PALLD: variants seen among roughly 807,000 people sequenced by gnomAD.
PALLD encodes the protein palladin, cytoskeletal associated protein.
A neutral mutation model predicts 123.5 loss-of-function variants in PALLD; 61 were observed. The ratio of observed to expected loss-of-function variants is 0.49; its 90% CI spans 0.40 to 0.61. PALLD has a LOEUF of 0.61. Among genes scored for constraint, PALLD ranks in the 20% least tolerant of loss-of-function variants. PALLD has a pLI of 0.00. For synonymous variants in PALLD, 465 were observed against 496.4 expected (o/e 0.94, Z 0.84); for missense variants, 1,273 against 1,377.0 (o/e 0.92, Z 1.20).
intron 10 of PALLD, among the ~76,000 whole-genome samples, chr4:168,821,614 G>A (rs1581640104): frequency 1.3e-5 from 2 of 152,032 alleles, no homozygotes; most frequent in African/African-American, 2.4e-5. Flanking sequence ...AGTAGCTCAC[G>A]GCTGTAATCC....
At chr4:168,596,621 G>A (rs999954965) in intron 2 of PALLD, among the ~76,000 whole-genome samples, 1 of 151,214 alleles carries the variant, frequency 6.6e-6, no homozygotes, top group African/African-American at 2.4e-5. Flanking sequence ...GCTTAGGTTT[G>A]TACTTCAGGG....
intron 2 of PALLD, among the ~76,000 whole-genome samples, chr4:168,529,436 G>C (rs897744265): frequency 1.3e-5 from 2 of 152,150 alleles, no homozygotes; most frequent in Non-Finnish European, 2.9e-5. Flanking sequence ...AGGGAGCCAG[G>C]CGAAGGGGGA....
At chr4:168,541,329 G>A (rs2149509530) in intron 2 of PALLD, among the ~76,000 whole-genome samples, 1 of 152,194 alleles carries the variant, frequency 6.6e-6, no homozygotes, top group Non-Finnish European at 1.5e-5. Flanking sequence ...ACAAAATTCA[G>A]CCCCCATCCT....
intron 2 of PALLD, among the ~76,000 whole-genome samples, chr4:168,597,573 T>G (rs1772123084): frequency 6.6e-6 from 1 of 152,142 alleles, no homozygotes; most frequent in Non-Finnish European, 1.5e-5. Flanking sequence ...TTTCTGAGTA[T>G]CATTTCATGC....
intron 10 of PALLD, among the ~76,000 whole-genome samples, chr4:168,788,282 A>G (rs1737033514): frequency 2.0e-5 from 3 of 148,098 alleles, no homozygotes; most frequent in South Asian, 4.3e-4. Flanking sequence ...ATACATAATG[A>G]CTGGTTATTA....
chr4:168,667,283 A>G (rs1440706028), intron 2 of PALLD, among the ~76,000 whole-genome samples: 1 of 152,232 alleles, frequency 6.6e-6, no homozygotes, highest in Non-Finnish European at 1.5e-5. Context: ...CTAAGTGCTC[A>G]TTAAGAGCTA....
intron 3 of PALLD, among the ~76,000 whole-genome samples, chr4:168,674,373 C>T (rs1463525821): frequency 6.6e-6 from 1 of 152,096 alleles, no homozygotes; most frequent in Admixed American, 6.5e-5. Context: ...GGACTGGATA[C>T]ACCTCCAGAC....
chr4:168,889,434 G>T (rs547031780), intron 10 of PALLD, among the ~76,000 whole-genome samples: 68 of 152,152 alleles, frequency 4.5e-4, no homozygotes, highest in Middle Eastern at 3.4e-3. Flanking sequence ...AAAGTGCTGG[G>T]AATACAGGCG....
At chr4:168,530,268 T>A (rs1028260856) in intron 2 of PALLD, among the ~76,000 whole-genome samples, 1 of 152,256 alleles carries the variant, frequency 6.6e-6, no homozygotes, top group Non-Finnish European at 1.5e-5. Context: ...TCTTTGCAGA[T>A]AAGGCCTCTG....
At chr4:168,743,458 T>C (rs1388706927) in intron 10 of PALLD, among the ~76,000 whole-genome samples, 1 of 152,152 alleles carries the variant, frequency 6.6e-6, no homozygotes, top group African/African-American at 2.4e-5. Context: ...ATAAAAGACA[T>C]TAATGATGAT....
At chr4:168,796,206 C>T (rs546769304) in intron 10 of PALLD, among the ~76,000 whole-genome samples, 65 of 152,266 alleles carry the variant, frequency 4.3e-4, no homozygotes, top group Non-Finnish European at 7.6e-4. Context: ...CCCCACTGTC[C>T]TTCCCAGCTC....
At chr4:168,746,410 A>AAAAAAAAAAAAT in intron 10 of PALLD, among the ~76,000 whole-genome samples, 2 of 147,460 alleles carry the variant, frequency 1.4e-5, no homozygotes, top group African/African-American at 5.0e-5. Flanking sequence ...AAAAAAAAAA[A>AAAAAAAAAAAAT]GAGGAGGGAC....
At chr4:168,623,158 T>TC (rs1422316817) in intron 2 of PALLD, among the ~76,000 whole-genome samples, 1 of 152,180 alleles carries the variant, frequency 6.6e-6, no homozygotes, top group Non-Finnish European at 1.5e-5. Flanking sequence ...AAACCTTACC[T>TC]CAGTCTCTGC....
chr4:168,871,355 T>G (rs1443760165), intron 10 of PALLD, among the ~76,000 whole-genome samples: 1 of 152,186 alleles, frequency 6.6e-6, no homozygotes, highest in Non-Finnish European at 1.5e-5. Context: ...TCCCTAATTC[T>G]TCAAAATCTC....
intron 10 of PALLD, among the ~76,000 whole-genome samples, chr4:168,712,643 G>C (rs1270083162): frequency 6.6e-6 from 1 of 152,152 alleles, no homozygotes; most frequent in Non-Finnish European, 1.5e-5. Flanking sequence ...TAGCTCAAAG[G>C]GTTCTACCAT....
At chr4:168,769,955 A>G (rs1474457499) in intron 10 of PALLD, among the ~76,000 whole-genome samples, 1 of 152,230 alleles carries the variant, frequency 6.6e-6, no homozygotes, top group Non-Finnish European at 1.5e-5. Context: ...CTATGTGCAG[A>G]GCCTTCAGCA....
intron 10 of PALLD, among the ~76,000 whole-genome samples, chr4:168,799,013 CG>C (rs1561536381): frequency 1.6e-4 from 25 of 152,084 alleles, no homozygotes. Context: ...AGAGAGACTC[CG>C]GGGGTGCCTT....
chr4:168,707,076 C>T (rs560354304), intron 8 of PALLD, among the ~76,000 whole-genome samples: 1 of 152,130 alleles, frequency 6.6e-6, no homozygotes, highest in South Asian at 2.1e-4. Context: ...TTTTTTTAAA[C>T]ATATCACTTT....
Position 168,577,594 on chromosome 4 carries a change from A to T in PALLD, c.908+65182A>T, listed in dbSNP as rs188846364. On this transcript the variant is annotated intron_variant, in intron 2 of 21. Transcript: ENST00000505667. ...GTATTTGCAATTTTTATTCTCTAAG[A>T]GATTGTTTGTTATGCTGGGGCAGGA... is the stretch of plus-strand genomic sequence containing the variant. Among the ~76,000 whole-genome samples, 4 of 152,230 alleles carry T rather than the reference A, an allele frequency of 2.6e-5. No homozygotes were observed. In the East Asian group the frequency reaches 7.7e-4, roughly 29 times the overall value.
Sources: allele counts gnomAD v4.1 joint callset (sites outside exome capture counted in the v4.1 genomes callset), GRCh38; gene constraint gnomAD v4.1.1; transcripts MANE v1.5; gene names NCBI Gene and HGNC (gene_info 2026-07-23, HGNC 2026-07-21).